PIWIL1: variants seen among roughly 807,000 people sequenced by gnomAD.
The protein encoded by PIWIL1 is piwi like RNA-mediated gene silencing 1.
PIWIL1 carries 73 observed loss-of-function variants against 114.4 expected under a neutral mutation model. The observed-to-expected ratio is 0.64, with a 90% CI of 0.53 to 0.78. The LOEUF (loss-of-function observed/expected upper bound fraction) is 0.78, where lower values mean the gene tolerates loss of function less well. Among genes scored for constraint, PIWIL1 ranks in the 30% least tolerant of loss-of-function variants. The pLI is 0.00. For synonymous variants in PIWIL1, 375 were observed against 369.0 expected (o/e 1.02, Z -0.19); for missense variants, 723 against 1,063.1 (o/e 0.68, Z 4.45).
chr12:130,410,117 T>C, the PIWIL1 span, among the ~76,000 whole-genome samples: 5 of 152,228 alleles, frequency 3.3e-5, no homozygotes, highest in Admixed American at 6.5e-5. Flanking sequence ...TCAGGGTGGT[T>C]TTAATTTGTG....
chr12:130,344,709 T>G (rs150067446), intron 3 of PIWIL1, among the ~76,000 whole-genome samples: 30 of 152,320 alleles, frequency 2.0e-4, no homozygotes, highest in Non-Finnish European at 7.4e-5. Flanking sequence ...GGTTCAGAAC[T>G]TCTGTATTTG....
At chr12:130,426,099 G>A in the PIWIL1 span, 1 of 152,336 alleles carries the variant, frequency 6.6e-6, no homozygotes, top group Non-Finnish European at 1.5e-5. Context: ...TTCCAAGGCA[G>A]GCGGGAATGA....
chr12:130,422,577 C>T, the PIWIL1 span: 9 of 1,567,748 alleles, frequency 5.7e-6, no homozygotes, highest in Non-Finnish European at 7.8e-6. This position sits in a 1 kb window ranked among gnomAD's most constrained non-coding sequence, Gnocchi z 5.2. Context: ...GACAAAACAA[C>T]AACAAAGTCG....
chr12:130,361,866 G>A (rs913497275), intron 16 of PIWIL1, among the ~76,000 whole-genome samples: 18 of 152,028 alleles, frequency 1.2e-4, no homozygotes, highest in African/African-American at 4.1e-4. Flanking sequence ...AAATGTATTT[G>A]TTTAATAATA....
the PIWIL1 span, among the ~76,000 whole-genome samples, chr12:130,407,008 C>T: frequency 3.3e-5 from 5 of 152,308 alleles, no homozygotes; most frequent in East Asian, 3.9e-4. Flanking sequence ...GTGTCAAACA[C>T]GCCCCACTGC....
chr12:130,407,459 C>T, the PIWIL1 span, among the ~76,000 whole-genome samples: 1 of 152,192 alleles, frequency 6.6e-6, no homozygotes, highest in Non-Finnish European at 1.5e-5. Context: ...ATGTGGATGA[C>T]AGATTGTTCT....
At chr12:130,354,860 C>T in intron 10 of PIWIL1, 28 bp from the exon 11 acceptor site, 3 of 1,497,256 alleles carry the variant, frequency 2.0e-6, no homozygotes, top group Non-Finnish European at 2.8e-6. Flanking sequence ...TTTCTTTAAC[C>T]ATATGCCTTT....
the PIWIL1 span, among the ~76,000 whole-genome samples, chr12:130,390,988 T>A: frequency 2.0e-5 from 3 of 152,130 alleles, no homozygotes; most frequent in Admixed American, 2.0e-4. Flanking sequence ...CACTGGCACA[T>A]ATGGAAAATC....
chr12:130,339,290 T>G (rs1158318036), intron 1 of PIWIL1, among the ~76,000 whole-genome samples: 2 of 152,108 alleles, frequency 1.3e-5, no homozygotes, highest in Non-Finnish European at 2.9e-5. Context: ...GGATGGATGC[T>G]CTCGCCGTCT....
At chr12:130,361,646 C>T (rs369670128) in intron 16 of PIWIL1, 45 bp downstream of exon 16, 2 of 1,488,986 alleles carry the variant, frequency 1.3e-6, no homozygotes, top group Non-Finnish European at 1.9e-6. Context: ...GGACATAAAG[C>T]AGGGTTCTGG....
chr12:130,371,405 T>C lies in PIWIL1; in HGVS notation c.2470-77T>C, dbSNP rs1424450221. On this transcript the variant is annotated intron_variant, in intron 20 of 20. Transcript: ENST00000245255. ...GAAATAGCTGTGGTTTAAAAGGCTT[T>C]TAGGGTTAATACTGAGATTTGCAAT... The C allele has an allele frequency of 3.7e-6, 6 of 1,610,158 alleles. No homozygotes were observed. In the African/African-American group the frequency reaches 4.0e-5, roughly 11 times the overall value.
At chr12:130,396,623 G>GAATAGAACATTA in the PIWIL1 span, 1 of 152,772 alleles carries the variant, frequency 6.5e-6, no homozygotes, top group Admixed American at 6.5e-5. Context: ...ATATGCCACA[G>GAATAGAACATTA]AATAGAACAT....
At chr12:130,419,500 A>C in the PIWIL1 span, 2 of 152,224 alleles carry the variant, frequency 1.3e-5, no homozygotes, top group African/African-American at 4.8e-5. This position sits in a 1 kb window ranked among gnomAD's most constrained non-coding sequence, Gnocchi z 4.3. Flanking sequence ...TATGGAGATA[A>C]AGGGAATCAT....
the PIWIL1 span, chr12:130,412,565 G>GGTGTTT: frequency 2.6e-6 from 4 of 1,525,476 alleles, no homozygotes; most frequent in East Asian, 9.1e-5. Context: ...CTGAGCGGCA[G>GGTGTTT]GTGTTTTGTG....
chr12:130,406,054 C>G, the PIWIL1 span: 1 of 660,854 alleles, frequency 1.5e-6, no homozygotes, highest in Non-Finnish European at 2.7e-6. Flanking sequence ...AAGCTATCAG[C>G]AGGCGTATGA....
At chr12:130,340,158 G>A (rs954854972) in intron 1 of PIWIL1, among the ~76,000 whole-genome samples, 4 of 152,136 alleles carry the variant, frequency 2.6e-5, no homozygotes, top group Non-Finnish European at 5.9e-5. Flanking sequence ...TGGTCCTTAA[G>A]CGGTTCACTG....
chr12:130,412,797 AG>A, the PIWIL1 span: 2 of 1,605,640 alleles, frequency 1.2e-6, no homozygotes, highest in Non-Finnish European at 1.7e-6. Context: ...CCTAGAGCCA[AG>A]GGGGAAAATA....
At chr12:130,403,887 C>G in the PIWIL1 span, among the ~76,000 whole-genome samples, 1 of 152,006 alleles carries the variant, frequency 6.6e-6, no homozygotes, top group African/African-American at 2.4e-5. Flanking sequence ...ATAAGCAGAG[C>G]AAACTAAAAC....
intron 9 of PIWIL1, among the ~76,000 whole-genome samples, chr12:130,352,907 GATAAA>G (rs1320638246): frequency 6.6e-6 from 1 of 152,168 alleles, no homozygotes; most frequent in Non-Finnish European, 1.5e-5. Flanking sequence ...TTTAAAATGT[GATAAA>G]ATAGGTAGTA....
Sources: allele counts gnomAD v4.1 joint callset (sites outside exome capture counted in the v4.1 genomes callset), GRCh38; gene constraint gnomAD v4.1.1; non-coding constraint Gnocchi (gnomAD v3.1); transcripts MANE v1.5; gene names NCBI Gene and HGNC (gene_info 2026-07-23, HGNC 2026-07-21).